The following RPRD2 variants were observed in gnomAD, a reference collection of about 807,000 sequenced individuals.
RPRD2 encodes regulation of nuclear pre-mRNA domain-containing protein 2.
Under a neutral mutation model 104.4 loss-of-function variants are expected in RPRD2, and 12 were observed. The ratio of observed to expected loss-of-function variants is 0.11; its 90% CI spans 0.07 to 0.19. The LOEUF (loss-of-function observed/expected upper bound fraction) is 0.19, where lower values mean the gene tolerates loss of function less well. Among genes scored for constraint, RPRD2 ranks in the 10% least tolerant of loss-of-function variants. The pLI, the probability that RPRD2 is intolerant of heterozygous loss-of-function variation, is 1.00. For synonymous variants in RPRD2, 714 were observed against 684.9 expected (o/e 1.04, Z -0.66); for missense variants, 1,543 against 1,790.1 (o/e 0.86, Z 2.49).
At chr1:150,372,506 G>GACACACACAC (rs143656895) in intron 1 of RPRD2, among the ~76,000 whole-genome samples, 158 of 150,122 alleles carry the variant, frequency 1.1e-3, no homozygotes, top group South Asian at 2.1e-3. Context: ...CACACACACA[G>GACACACACAC]ACACACACAC....
chr1:150,400,908 G>A (rs1292967112), intron 1 of RPRD2, among the ~76,000 whole-genome samples: 2 of 151,956 alleles, frequency 1.3e-5, no homozygotes, highest in African/African-American at 4.8e-5. Flanking sequence ...GCTGGGCGCG[G>A]TGGCTCACGC....
At chr1:150,387,520 T>G (rs943046387) in intron 1 of RPRD2, among the ~76,000 whole-genome samples, 5 of 145,746 alleles carry the variant, frequency 3.4e-5, no homozygotes, top group Middle Eastern at 3.6e-3. Context: ...TTTTGCAGGA[T>G]CCTTCCACCA....
rs188829758 is a variant in RPRD2, at chr1:150,379,488, C to T, written c.205+14569C>T. ...CGCCATCTCGGCTCACTGCAGCCTC[C>T]GCCTCCCAGGTTCAAGCGATTCACC... On this transcript the variant is annotated intron_variant, in intron 1 of 10. Coordinates refer to ENST00000369068, the MANE Select transcript of RPRD2 (RefSeq NM_015203.5). Among the ~76,000 whole-genome samples, 410 of 151,804 alleles carry T rather than the reference C, an allele frequency of 2.7e-3. 2 individuals carry two copies. Among genetic ancestry groups the T allele is most frequent in the Non-Finnish European group, 4.7e-3 (320 of 67,934 alleles).
At position 150,472,646 on chromosome 1, in the gene RPRD2, C is replaced by G; in HGVS notation, c.3698C>G (p.Thr1233Ser). ...HGGIFSRDAPTHLPSVDLSNP... is the reference protein window; with the variant it reads ...HGGIFSRDAPSHLPSVDLSNP... ...GGTATCTTCTCTCGAGATGCACCCA[C>G]TCATCTACCCTCTGTGGATCTTTCG... Residue 1233 changes from threonine (T) to serine (S), a missense_variant, in exon 11 of 11, where the codon ACT becomes AGT. Physicochemically the swap from Thr to Ser is moderately conservative, Grantham distance 58. Transcript: ENST00000369068. 1 of 1,613,884 alleles carries G rather than the reference C, an allele frequency of 6.2e-7. No homozygotes were observed.
intron 1 of RPRD2, among the ~76,000 whole-genome samples, chr1:150,391,371 C>G (rs1662048926): frequency 6.6e-6 from 1 of 152,084 alleles, no homozygotes. Context: ...CCAGGCTTAT[C>G]TCAAACTCCT....
chr1:150,388,375 C>CGTATAAACATGTATATACGT (rs33946912), intron 1 of RPRD2, among the ~76,000 whole-genome samples: 1 of 142,962 alleles, frequency 7.0e-6, no homozygotes, highest in Non-Finnish European at 1.5e-5. Context: ...CATGTATACA[C>CGTATAAACATGTATATACGT]ATATACACGT....
At position 150,409,805 on chromosome 1, in the gene RPRD2, C is replaced by T. The variant is rs1461183807; in HGVS notation, c.206-7791C>T. Among the ~76,000 whole-genome samples the T allele has an allele frequency of 3.3e-5, 5 of 151,924 alleles. No homozygotes were observed. The East Asian group carries it at 5.8e-4, about 18-fold the overall frequency. On this transcript the variant is annotated intron_variant, in intron 1 of 10. Coordinates refer to ENST00000369068, the MANE Select transcript of RPRD2 (RefSeq NM_015203.5). ...GATTACAGACGCATGCCACCACACC[C>T]GGCTAATTTTTGTATTTTTAGTAGA...
At chr1:150,464,003 T>C (rs587595452) in intron 9 of RPRD2, among the ~76,000 whole-genome samples, 7 of 152,244 alleles carry the variant, frequency 4.6e-5, no homozygotes, top group Non-Finnish European at 1.0e-4. Flanking sequence ...ATAAGAAATA[T>C]TGGGGCTCTC....
At chr1:150,463,308 C>A (rs1553899244) in intron 9 of RPRD2, among the ~76,000 whole-genome samples, 1 of 152,080 alleles carries the variant, frequency 6.6e-6, no homozygotes, top group African/African-American at 2.4e-5. Flanking sequence ...TGCACTCCAG[C>A]CTGAGCAACC....
At chr1:150,413,051 G>A (rs986775520) in intron 1 of RPRD2, among the ~76,000 whole-genome samples, 1 of 152,016 alleles carries the variant, frequency 6.6e-6, no homozygotes, top group Non-Finnish European at 1.5e-5. Context: ...AAATTTAAGG[G>A]GAGCAAGTCT....
At position 150,472,343 on chromosome 1, in the gene RPRD2, G is replaced by A; in HGVS notation, c.3395G>A (p.Ser1132Asn). 1 of 1,613,978 alleles carries A rather than the reference G, an allele frequency of 6.2e-7. No homozygotes were observed. Among genetic ancestry groups the A allele is most frequent in the Non-Finnish European group, 8.5e-7 (1 of 1,179,884 alleles). Residue 1132 changes from serine (S) to asparagine (N), a missense_variant, in exon 11 of 11, where the codon AGC (serine) becomes AAC (asparagine). By Grantham distance (46) the Ser-to-Asn change is conservative. This residue lies in a region of RPRD2 where 880 missense variants were observed against 885.6 expected (regional missense o/e 0.99). Transcript: ENST00000369068. ...TCAAGGGTGGGTTGGTTTGATCTGAGCACATCAGGTAGCTCTTTTGACAAT... is the reference window on the plus strand; with the variant it reads ...TCAAGGGTGGGTTGGTTTGATCTGAACACATCAGGTAGCTCTTTTGACAAT... ...EASRVGWFDL[S>N]TSGSSFDNGP...
intron 1 of RPRD2, among the ~76,000 whole-genome samples, chr1:150,395,549 G>A (rs1662451680): frequency 7.3e-6 from 1 of 137,792 alleles, no homozygotes; most frequent in Admixed American, 7.9e-5. Context: ...GTCTTGCTCT[G>A]TCACCTAAGC....
intron 1 of RPRD2, among the ~76,000 whole-genome samples, chr1:150,394,032 G>T (rs941366544): frequency 1.3e-4 from 20 of 151,906 alleles, no homozygotes; most frequent in South Asian, 1.2e-3. Context: ...AATGTTTTTT[G>T]TTGTTGTTGT....
In RPRD2 at chr1:150,475,986, T is replaced by C. The variant is rs1668872650; in HGVS notation, c.*2652T>C. The C allele has an allele frequency of 6.6e-6, 1 of 152,132 alleles. No individual in the cohort carries two copies. The highest frequency in any genetic ancestry group is 2.4e-5 in the African/African-American group (1 of 41,426). The allele number at this position is 152,132 out of a possible 1,614,324, so 9.4% of individuals were successfully genotyped here. On this transcript the variant is annotated 3_prime_UTR_variant, in exon 11 of 11. Coordinates refer to ENST00000369068, the MANE Select transcript of RPRD2 (RefSeq NM_015203.5). ...TCACTGTAAAATCACAGACAGAGAA[T>C]TGGTAGGGGTTGTGAATACACTAGT...
intron 1 of RPRD2, among the ~76,000 whole-genome samples, chr1:150,384,311 A>G (rs1027767766): frequency 7.2e-5 from 11 of 151,918 alleles, no homozygotes; most frequent in Admixed American, 5.9e-4. Context: ...TTTTTCAAAA[A>G]CTATGTGAAA....
chr1:150,463,126 G>T (rs1668047082), intron 9 of RPRD2, among the ~76,000 whole-genome samples: 1 of 152,076 alleles, frequency 6.6e-6, no homozygotes, highest in Admixed American at 6.6e-5. Flanking sequence ...AAAATGTTGG[G>T]ATTACAATCA....
intron 2 of RPRD2, among the ~76,000 whole-genome samples, chr1:150,432,188 AAAAAG>A (rs1181587847): frequency 1.8e-4 from 28 of 151,904 alleles, no homozygotes; most frequent in African/African-American, 5.8e-4. Context: ...AAAAAAAAAA[AAAAAG>A]AAAGAAAAGT....
chr1:150,431,119 AAAAC>A (rs1385664160), intron 2 of RPRD2, among the ~76,000 whole-genome samples: 11 of 152,204 alleles, frequency 7.2e-5, no homozygotes, highest in South Asian at 2.1e-4. Context: ...ACTATAATTC[AAAAC>A]AAACAAACAA....
chr1:150,452,081 G>T (rs587713892), intron 7 of RPRD2, among the ~76,000 whole-genome samples: 1 of 150,464 alleles, frequency 6.6e-6, no homozygotes, highest in South Asian at 2.1e-4. Flanking sequence ...GGCAGAGGTT[G>T]CAGTGAGCCG....
Sources: gnomAD v4.1 joint callset for allele counts (sites outside exome capture counted in the v4.1 genomes callset) on GRCh38, gnomAD v4.1.1 for gene constraint, gnomAD v4.1.1 regional missense constraint, MANE v1.5 for transcripts, NCBI Gene and HGNC (gene_info 2026-07-23, HGNC 2026-07-21) for gene names.